Variants in INTS4 observed in about 807,000 individuals in gnomAD.
INTS4 encodes the protein integrator complex subunit 4.
In INTS4, 70 loss-of-function variants were observed where a neutral mutation model predicts 119.5. That is an observed-to-expected ratio of 0.59 (90% CI 0.48 to 0.71). INTS4 has a LOEUF of 0.71. Among genes scored for constraint, INTS4 ranks in the 30% least tolerant of loss-of-function variants. The pLI is 0.00. For synonymous variants in INTS4, 316 were observed against 419.6 expected (o/e 0.75, Z 3.02); for missense variants, 867 against 1,173.2 (o/e 0.74, Z 3.81).
rs113870653 is a variant in INTS4, at chr11:77,966,137, T to C, written c.472-4999A>G. Among the ~76,000 whole-genome samples, 911 of 152,348 alleles carry C rather than the reference T, an allele frequency of 6.0e-3. 9 individuals are homozygous for C. Among genetic ancestry groups the C allele is most frequent in the African/African-American group, 0.021 (862 of 41,578 alleles). Reference sequence around the variant, plus strand: ...TGTCTGTTCTGGTCCTTTGCCCATTTTTTAGCCAGGTTTTGTTGTTGTTGT... The same window carrying C: ...TGTCTGTTCTGGTCCTTTGCCCATTCTTTAGCCAGGTTTTGTTGTTGTTGT... On this transcript the variant is annotated intron_variant, in intron 4 of 22. Transcript: ENST00000534064.
intron 4 of INTS4, among the ~76,000 whole-genome samples, chr11:77,963,989 T>A (rs904447379): frequency 6.6e-6 from 1 of 152,230 alleles, no homozygotes; most frequent in Non-Finnish European, 1.5e-5. Flanking sequence ...CAGATTCTAA[T>A]GTATACCCTC....
intron 16 of INTS4, 59 bp from the exon 17 acceptor site, chr11:77,903,679 T>A: frequency 7.4e-7 from 1 of 1,344,942 alleles, no homozygotes; most frequent in East Asian, 2.3e-5. Flanking sequence ...GGCCTATCAT[T>A]TGGGATTTAC....
intron 15 of INTS4, chr11:77,911,022 A>T (rs1483551724): frequency 7.8e-7 from 1 of 1,288,970 alleles, no homozygotes; most frequent in East Asian, 5.5e-5. Context: ...GGCATAACAC[A>T]TCAGGTTTCA....
intron 7 of INTS4, among the ~76,000 whole-genome samples, chr11:77,957,334 A>C (rs1954354031): frequency 6.6e-6 from 1 of 152,038 alleles, no homozygotes; most frequent in South Asian, 2.1e-4. Flanking sequence ...AGATTACCTG[A>C]AGCCAGGGGT....
chr11:77,884,020 T>C (rs1951893368), intron 21 of INTS4, 68 bp from the exon 22 acceptor site: 5 of 1,527,094 alleles, frequency 3.3e-6, no homozygotes, highest in Middle Eastern at 1.7e-4. Context: ...GATGATGACA[T>C]CTGTTGTGAA....
chr11:77,884,974 A>G (rs2136366067), intron 21 of INTS4: 1 of 195,392 alleles, frequency 5.1e-6, no homozygotes, highest in Middle Eastern at 2.4e-3. Flanking sequence ...TGCCCAGGCT[A>G]GTCTCCAACT....
chr11:77,917,997 T>G (rs894729890), intron 15 of INTS4: 30 of 695,866 alleles, frequency 4.3e-5, no homozygotes, highest in Middle Eastern at 2.5e-4. Context: ...TTTTGGGAAG[T>G]GTCTTTAAAC....
At chr11:77,914,840 T>C (rs1335554703) in intron 15 of INTS4, 1 of 152,214 alleles carries the variant, frequency 6.6e-6, no homozygotes, top group Non-Finnish European at 1.5e-5. Flanking sequence ...ACACAATAAA[T>C]ATCAAGTATA....
rs1214958300 is a variant in INTS4, at chr11:77,901,547, A to G, written c.2102T>C (p.Met701Thr). 2 of 1,601,640 alleles carry G rather than the reference A, an allele frequency of 1.2e-6. No individual in the cohort carries two copies. Among genetic ancestry groups the G allele is most frequent in the Non-Finnish European group, 1.7e-6 (2 of 1,168,754 alleles). ...DLASAAAKQIMEETYKMEFMY... is the reference protein window; with the variant it reads ...DLASAAAKQITEETYKMEFMY... ...GAATTCCATTTTGTAGGTCTCTTCC[A>G]TAATCTATAAAGGAAAGATAATTAA... Residue 701 changes from methionine to threonine, a missense_variant, in exon 18 of 23, where the codon ATG (methionine) becomes ACG (threonine). Transcript: ENST00000534064.
intron 15 of INTS4, among the ~76,000 whole-genome samples, chr11:77,914,141 C>T (rs1364540602): frequency 6.6e-6 from 1 of 152,198 alleles, no homozygotes; most frequent in Non-Finnish European, 1.5e-5. Context: ...GCTTCCCTTT[C>T]CAGATTTTTC....
In INTS4 at chr11:77,961,143, T is replaced by TTAA; in HGVS notation, c.472-6_472-5insTTA. On this transcript the variant is annotated splice_region_variant and splice_polypyrimidine_tract_variant and intron_variant, in intron 4 of 22. Coordinates refer to ENST00000534064, the MANE Select transcript of INTS4 (RefSeq NM_033547.4). ...ATGAGACGTATCTGTCAGATGCTAT[T>TTAA]AAAAAAAAAAAAAAAAAGAAAAAAA... 8.2e-7 allele frequency: 1 copy of TTAA among 1,214,414 alleles called. No individual in the cohort carries two copies. The highest frequency in any genetic ancestry group is 2.7e-5 in the South Asian group (1 of 36,694). 75.2% of individuals were successfully genotyped at this position (1,214,414 alleles called of 1,614,324 possible).
chr11:77,948,851 T>C (rs1006744496), intron 8 of INTS4, among the ~76,000 whole-genome samples: 3 of 150,534 alleles, frequency 2.0e-5, no homozygotes, highest in African/African-American at 7.3e-5. Context: ...TAAGTATACA[T>C]TGCCTAGAAG....
chr11:77,926,530 G>A (rs1953504309), intron 11 of INTS4, among the ~76,000 whole-genome samples: 1 of 152,074 alleles, frequency 6.6e-6, no homozygotes. Context: ...AGAGTCAGCC[G>A]GGCACGGTGG....
chr11:77,994,466 G>A, intron 1 of INTS4, 124 bp downstream of exon 1: 1 of 752,540 alleles, frequency 1.3e-6, no homozygotes, highest in Non-Finnish European at 2.4e-6. Flanking sequence ...CAATATCAGA[G>A]ATTATCAACA....
At chr11:77,891,653 G>C in intron 20 of INTS4, 28 bp downstream of exon 20, 6 of 1,610,734 alleles carry the variant, frequency 3.7e-6, no homozygotes, top group Non-Finnish European at 5.1e-6. Context: ...GGACAGATTT[G>C]GCCTACAGGG....
chr11:77,939,701 C>T (rs1310066115), intron 9 of INTS4, among the ~76,000 whole-genome samples: 2 of 151,596 alleles, frequency 1.3e-5, no homozygotes, highest in Non-Finnish European at 2.9e-5. Context: ...AAAAATTAGC[C>T]GGGTGTGGTG....
At chr11:77,912,938 A>G (rs1458149909) in intron 15 of INTS4, among the ~76,000 whole-genome samples, 1 of 152,230 alleles carries the variant, frequency 6.6e-6, no homozygotes, top group Non-Finnish European at 1.5e-5. Context: ...TTCCCATCAG[A>G]AAAGTAGTAT....
chr11:77,989,376 AC>A (rs1234222961), intron 2 of INTS4, among the ~76,000 whole-genome samples: 1 of 152,096 alleles, frequency 6.6e-6, no homozygotes, highest in African/African-American at 2.4e-5. Flanking sequence ...AGTCCCAGCT[AC>A]TTGGGAGGCT....
intron 8 of INTS4, among the ~76,000 whole-genome samples, chr11:77,942,067 T>C (rs1252392048): frequency 6.6e-6 from 1 of 152,212 alleles, no homozygotes; most frequent in Non-Finnish European, 1.5e-5. Context: ...CATTCATTCA[T>C]GCATTCAATT....
Sources: allele counts gnomAD v4.1 joint callset (sites outside exome capture counted in the v4.1 genomes callset), GRCh38; gene constraint gnomAD v4.1.1; transcripts MANE v1.5; gene names NCBI Gene and HGNC (gene_info 2026-07-23, HGNC 2026-07-21).